ARHGEF26: variants seen among roughly 807,000 people sequenced by gnomAD.
The protein encoded by ARHGEF26 is Rho guanine nucleotide exchange factor (GEF) 26.
ARHGEF26 carries 59 observed loss-of-function variants against 89.4 expected under a neutral mutation model. The observed-to-expected ratio is 0.66, with a 90% confidence interval of 0.54 to 0.82. The LOEUF (loss-of-function observed/expected upper bound fraction) is 0.82, where lower values mean the gene tolerates loss of function less well. Ranked by LOEUF, ARHGEF26 falls within the 40% of genes least tolerant of loss-of-function variation. The pLI, the probability that ARHGEF26 is intolerant of heterozygous loss-of-function variation, is 0.00. For missense variants in ARHGEF26, 1,234 were observed against 1,085.6 expected, an observed-to-expected ratio of 1.14 and a Z score of -1.92; for synonymous variants, 500 against 428.4, an observed-to-expected ratio of 1.17 and a Z score of -2.06.
At chr3:154,225,760 T>C (rs1716446394) in intron 10 of ARHGEF26, 96 bp from the exon 11 acceptor site, 3 of 1,302,376 alleles carry the variant, frequency 2.3e-6, no homozygotes, top group Non-Finnish European at 3.1e-6. Context: ...CTATGATAAG[T>C]ATCATTTGTT....
intron 4 of ARHGEF26, among the ~76,000 whole-genome samples, chr3:154,131,702 A>G (rs1310744418): frequency 2.0e-5 from 3 of 152,210 alleles, no homozygotes. Flanking sequence ...GCACAGGCCT[A>G]AATCGTGCTG....
Position 154,194,721 on chromosome 3 carries a change from AACTGTTGGGTG to A in ARHGEF26, c.1845+6_1845+16del. 1.2e-6 allele frequency: 2 copies of A among 1,610,430 alleles called. No individual in the cohort carries two copies. Among genetic ancestry groups the A allele is most frequent in the Non-Finnish European group, 1.7e-6 (2 of 1,177,988 alleles). ...GAGCCTTGAAGGAAGTTAGCAAGGT[AACTGTTGGGTG>A]ACAGTTTGTTTGTAAGACAGGAAAC... On this transcript the variant is annotated splice_donor_5th_base_variant and intron_variant, in intron 9 of 14. Coordinates refer to ENST00000465093, the MANE Select transcript of ARHGEF26 (RefSeq NM_015595.4).
intron 4 of ARHGEF26, among the ~76,000 whole-genome samples, chr3:154,131,182 T>C (rs138279080): frequency 7.0e-4 from 106 of 151,834 alleles, no homozygotes; most frequent in African/African-American, 2.3e-3. Context: ...TGATAGGGAG[T>C]GGTGGGAGCT....
At position 154,134,790 on chromosome 3, in the gene ARHGEF26, A is replaced by T. The variant is rs920034116; in HGVS notation, c.1269+5071A>T. Among the ~76,000 whole-genome samples, 10 of 151,784 alleles carry T rather than the reference A, an allele frequency of 6.6e-5. 1 individual carries two copies. The highest frequency in any genetic ancestry group is 3.3e-4 in the Admixed American group (5 of 15,210). On this transcript the variant is annotated intron_variant, in intron 4 of 14. Transcript: ENST00000465093. ...ATTGAGGTTTTTTTTTTTAACATGAATCAATGTTGAATTTTATCAAAAGCC... is the reference window on the plus strand; with the variant it reads ...ATTGAGGTTTTTTTTTTTAACATGATTCAATGTTGAATTTTATCAAAAGCC...
chr3:154,229,119 C>T (rs1716678267), intron 11 of ARHGEF26, among the ~76,000 whole-genome samples: 1 of 152,206 alleles, frequency 6.6e-6, no homozygotes, highest in African/African-American at 2.4e-5. Flanking sequence ...GCTTGTAAAG[C>T]TGGCTTGATG....
intron 12 of ARHGEF26, 40 bp from the exon 13 acceptor site, chr3:154,253,075 TA>T (rs1407328173): frequency 6.2e-7 from 1 of 1,611,090 alleles, no homozygotes. Flanking sequence ...TCTGTGTTTT[TA>T]CACCTTGAGT....
At chr3:154,187,287 A>G in intron 6 of ARHGEF26, 1 of 865,520 alleles carries the variant, frequency 1.2e-6, no homozygotes, top group Non-Finnish European at 1.4e-6. Context: ...TCCCATAAAG[A>G]ATTCTTGAAA....
At chr3:154,213,216 A>AGAGAGTGTGTGTGT (rs1553747872) in intron 9 of ARHGEF26, among the ~76,000 whole-genome samples, 12 of 142,034 alleles carry the variant, frequency 8.4e-5, no homozygotes, top group Admixed American at 3.5e-4. Flanking sequence ...AGAGAGAGAG[A>AGAGAGTGTGTGTGT]GTGTGTGTGT....
chr3:154,173,941 A>G (rs9877692), intron 6 of ARHGEF26, among the ~76,000 whole-genome samples: 27,808 of 152,202 alleles, frequency 0.18, 2,851 homozygotes, highest in South Asian at 0.36. Flanking sequence ...TATTTCTTAA[A>G]TGCCTTGTCA....
chr3:154,214,839 G>A (rs565188874), intron 9 of ARHGEF26, among the ~76,000 whole-genome samples: 1 of 152,146 alleles, frequency 6.6e-6, no homozygotes, highest in South Asian at 2.1e-4. Flanking sequence ...AGATATTTTG[G>A]CTCTTAGCTT....
chr3:154,220,537 C>G (rs1716061698), intron 10 of ARHGEF26, among the ~76,000 whole-genome samples: 1 of 152,122 alleles, frequency 6.6e-6, no homozygotes, highest in Non-Finnish European at 1.5e-5. Flanking sequence ...TGCACAGTTT[C>G]CACTCCTGTG....
chr3:154,255,121 C>T (rs376888200), intron 14 of ARHGEF26, among the ~76,000 whole-genome samples: 1 of 152,008 alleles, frequency 6.6e-6, no homozygotes, highest in East Asian at 1.9e-4. Context: ...GGTTCAAATA[C>T]TCTCAGCCTT....
At chr3:154,181,734 T>C (rs1034848757) in intron 6 of ARHGEF26, among the ~76,000 whole-genome samples, 1 of 152,122 alleles carries the variant, frequency 6.6e-6, no homozygotes, top group African/African-American at 2.4e-5. Context: ...AGACTTGTGC[T>C]GGGAGTTTGT....
Position 154,254,927 on chromosome 3 carries a change from A to C in ARHGEF26, c.2473+103A>C, listed in dbSNP as rs931854178. The C allele has an allele frequency of 4.3e-6, 4 of 939,966 alleles. No individual in the cohort carries two copies. In the Admixed American group the frequency reaches 5.9e-5, roughly 14 times the overall value. 58.2% of individuals were successfully genotyped at this position (939,966 alleles called of 1,614,324 possible). On this transcript the variant is annotated intron_variant, in intron 14 of 14. Coordinates refer to ENST00000465093, the MANE Select transcript of ARHGEF26 (RefSeq NM_015595.4). ...ATCATTGCCCATATTCCAAATCTTG[A>C]CATGTTAATGTTTGAGATCACATAT...
rs186282718 is a variant in ARHGEF26 at position 154,148,667 on chromosome 3, T to G, written c.1270-722T>G. ...AGATTGTGGGCATGGCACCTGTATA[T>G]CCATCTGCCGGACTTTGGGTCATGC... On this transcript the variant is annotated intron_variant, in intron 4 of 14. Transcript: ENST00000465093. Among the ~76,000 whole-genome samples the G allele has an allele frequency of 1.9e-3, 293 of 152,300 alleles. 2 individuals are homozygous for G. The highest frequency in any genetic ancestry group is 3.5e-3 in the South Asian group (17 of 4,828).
chr3:154,123,008 T>C lies in ARHGEF26; in HGVS notation c.1016T>C (p.Met339Thr), dbSNP rs1560035474. ...ACCAGCTCGAAGAAGAAGAACAGAA[T>C]GTCCCAGCCTGTTCTGAAAGTGGTG... is the stretch of plus-strand genomic sequence containing the variant. ...SPTSSKKKNR[M>T]SQPVLKVVME... The change falls in exon 2 of 15, where the codon ATG becomes ACG. Residue 339 changes from methionine to threonine, a missense_variant. Transcript: ENST00000465093. 1 of 1,613,880 alleles carries C rather than the reference T, an allele frequency of 6.2e-7. No individual in the cohort carries two copies.
Position 154,256,704 on chromosome 3 carries a change from G to A in ARHGEF26, c.*1231G>A. ...AACACACTACAGTAATCTCAAGGAA[G>A]GGAAAATTAGGCCTTAAAAGATACC... On this transcript the variant is annotated 3_prime_UTR_variant, in exon 15 of 15. Transcript: ENST00000465093. 1 of 1,329,808 alleles carries A rather than the reference G, an allele frequency of 7.5e-7. No individual in the cohort carries two copies. Among genetic ancestry groups the A allele is most frequent in the Non-Finnish European group, 9.6e-7 (1 of 1,045,502 alleles). 82.4% of individuals were successfully genotyped at this position (1,329,808 alleles called of 1,614,324 possible). A position where few individuals can be genotyped will look rare whatever the true frequency, so the allele number is the denominator to read the frequency against.
intron 6 of ARHGEF26, among the ~76,000 whole-genome samples, chr3:154,160,518 A>G (rs978456693): frequency 1.3e-5 from 2 of 152,146 alleles, no homozygotes; most frequent in Non-Finnish European, 2.9e-5. Flanking sequence ...AGGAAAAAGA[A>G]AATAAGAATG....
In ARHGEF26 at chr3:154,122,213, G is replaced by A; in HGVS notation, c.221G>A (p.Ser74Asn). 3 of 1,606,850 alleles carry A rather than the reference G, an allele frequency of 1.9e-6. No individual in the cohort carries two copies. Among genetic ancestry groups the A allele is most frequent in the Non-Finnish European group, 2.5e-6 (3 of 1,176,992 alleles). ...GCCCAGGTGCCCACCGCCTCGGACA[G>A]CAGGACGGTACATAGGAGCCCCCTG... ...IPAQVPTASDSRTVHRSPLLL... is the reference protein window; with the variant it reads ...IPAQVPTASDNRTVHRSPLLL... Residue 74 changes from serine to asparagine, a missense_variant, in exon 2 of 15, where the codon AGC (serine) becomes AAC (asparagine). Coordinates refer to ENST00000465093, the MANE Select transcript of ARHGEF26 (RefSeq NM_015595.4).
Sources: gnomAD v4.1 joint callset for allele counts (sites outside exome capture counted in the v4.1 genomes callset) on GRCh38, gnomAD v4.1.1 for gene constraint, MANE v1.5 for transcripts, NCBI Gene and HGNC (gene_info 2026-07-23, HGNC 2026-07-21) for gene names.